Variants in YPEL2 observed in about 807,000 individuals in gnomAD.
YPEL2 encodes protein yippee-like 2.
Under a neutral mutation model 19.1 loss-of-function variants are expected in YPEL2, and 2 were observed. The ratio of observed to expected loss-of-function variants is 0.10; its 90% confidence interval spans 0.04 to 0.33. The LOEUF (loss-of-function observed/expected upper bound fraction) is 0.33. Ranked by LOEUF, YPEL2 falls within the 10% of genes least tolerant of loss-of-function variation. The probability of loss-of-function intolerance (pLI) is 1.00; values close to 1 mark genes in which losing one functional copy is unlikely to be tolerated. For missense variants in YPEL2, 66 were observed against 140.7 expected (o/e 0.47, Z 2.68); for synonymous variants, 52 against 50.0 (o/e 1.04, Z -0.17).
intron 1 of YPEL2, among the ~76,000 whole-genome samples, chr17:59,350,446 C>T (rs2047782229): frequency 6.6e-6 from 1 of 152,196 alleles, no homozygotes. Flanking sequence ...CAGAGTGACC[C>T]TGCCACAGCA....
At chr17:59,380,287 T>G (rs1261295596) in intron 2 of YPEL2, among the ~76,000 whole-genome samples, 1 of 148,100 alleles carries the variant, frequency 6.8e-6, no homozygotes, top group East Asian at 2.0e-4. Flanking sequence ...TTTTTTTTTT[T>G]TTTTTTTGAG....
At position 59,399,055 on chromosome 17, in the gene YPEL2, G is replaced by T. The variant is rs948934103; in HGVS notation, c.*1865G>T. Reference sequence around the variant, plus strand: ...ATCTTTCCAGTGCTTTCATAGCCCTGGGAGATCAAGTTGTTCTCCCCACTT... The same window carrying T: ...ATCTTTCCAGTGCTTTCATAGCCCTTGGAGATCAAGTTGTTCTCCCCACTT... On this transcript the variant is annotated 3_prime_UTR_variant, in exon 5 of 5. Coordinates refer to ENST00000312655, the MANE Select transcript of YPEL2 (RefSeq NM_001005404.4). The T allele has an allele frequency of 6.6e-6, 1 of 152,432 alleles. No homozygotes were observed. The highest frequency in any genetic ancestry group is 2.4e-5 in the African/African-American group (1 of 41,444). The allele number at this position is 152,432 out of a possible 1,614,324, so 9.4% of individuals were successfully genotyped here. A position where few individuals can be genotyped will look rare whatever the true frequency, so the allele number is the denominator to read the frequency against.
chr17:59,370,157 C>T (rs527464588), intron 2 of YPEL2, among the ~76,000 whole-genome samples: 3 of 152,240 alleles, frequency 2.0e-5, no homozygotes, highest in African/African-American at 4.8e-5. Context: ...CCTGGGTTCA[C>T]GCCATTCTCC....
At chr17:59,368,947 G>A (rs998605425) in intron 2 of YPEL2, among the ~76,000 whole-genome samples, 3 of 152,140 alleles carry the variant, frequency 2.0e-5, no homozygotes, top group Admixed American at 6.5e-5. Flanking sequence ...AAATAGTCAG[G>A]CTGGGTCCCT....
intron 2 of YPEL2, among the ~76,000 whole-genome samples, chr17:59,358,472 C>A (rs1272004225): frequency 6.6e-6 from 1 of 151,912 alleles, no homozygotes; most frequent in East Asian, 1.9e-4. Context: ...TAGTGTAGTA[C>A]CCCCATGCAG....
chr17:59,332,427 C>T (rs1215686227), intron 1 of YPEL2, among the ~76,000 whole-genome samples: 1 of 152,204 alleles, frequency 6.6e-6, no homozygotes, highest in Non-Finnish European at 1.5e-5. Context: ...CGGCGCCTCC[C>T]CGGTGTCCTT....
At chr17:59,344,187 C>G (rs1322119579) in intron 1 of YPEL2, among the ~76,000 whole-genome samples, 1 of 152,076 alleles carries the variant, frequency 6.6e-6, no homozygotes, top group Non-Finnish European at 1.5e-5. Flanking sequence ...AGCCACTGTG[C>G]CCAGCATGGA....
At chr17:59,388,243 A>T in intron 2 of YPEL2, 84 bp from the exon 3 acceptor site, 1 of 1,350,236 alleles carries the variant, frequency 7.4e-7, no homozygotes, top group Admixed American at 1.7e-5. Flanking sequence ...CTGGAAGGTC[A>T]TGCTTAACTG....
rs149647270 is a variant in YPEL2 at position 59,364,979 on chromosome 17, A to G, written c.117+11453A>G. ...ACTGGCAAATGGGAATAATAGTAAT[A>G]TTAGATACCTGATAGGATTTTTGTG... On this transcript the variant is annotated intron_variant, in intron 2 of 4. Coordinates refer to ENST00000312655, the MANE Select transcript of YPEL2 (RefSeq NM_001005404.4). 1.8e-4 allele frequency among the ~76,000 whole-genome samples: 27 copies of G among 152,316 alleles called. No individual in the cohort carries two copies. In the East Asian group the frequency reaches 5.0e-3, roughly 28 times the overall value.
intron 2 of YPEL2, among the ~76,000 whole-genome samples, chr17:59,387,726 G>T (rs953860250): frequency 6.6e-6 from 1 of 152,228 alleles, no homozygotes; most frequent in African/African-American, 2.4e-5. Context: ...CTGTGATGCA[G>T]AGATCAAGTT....
chr17:59,374,600 C>T (rs1372584374), intron 2 of YPEL2, among the ~76,000 whole-genome samples: 2 of 152,132 alleles, frequency 1.3e-5, no homozygotes, highest in Admixed American at 6.5e-5. Flanking sequence ...TTCAGTAAGG[C>T]CTGGTGCTTT....
intron 2 of YPEL2, among the ~76,000 whole-genome samples, chr17:59,367,341 G>A (rs1484464605): frequency 6.6e-6 from 1 of 152,184 alleles, no homozygotes; most frequent in African/African-American, 2.4e-5. Context: ...CAGTCCCTTG[G>A]TAGAAGGGAG....
chr17:59,368,855 C>T (rs2047883277), intron 2 of YPEL2, among the ~76,000 whole-genome samples: 1 of 152,122 alleles, frequency 6.6e-6, no homozygotes, highest in Non-Finnish European at 1.5e-5. Context: ...TTCTGTAAAC[C>T]ATGTATCCTT....
intron 2 of YPEL2, among the ~76,000 whole-genome samples, chr17:59,383,418 G>A (rs1339659171): frequency 1.3e-5 from 2 of 150,188 alleles, no homozygotes; most frequent in East Asian, 3.9e-4. Context: ...CTAACACGGT[G>A]AAACCCCGTG....
chr17:59,391,917 A>G (rs1728091085), intron 4 of YPEL2, among the ~76,000 whole-genome samples: 1 of 151,988 alleles, frequency 6.6e-6, no homozygotes, highest in South Asian at 2.1e-4. Flanking sequence ...AAGCAAAAAA[A>G]AAAAACCTAG....
At chr17:59,340,018 C>T (rs1311474910) in intron 1 of YPEL2, among the ~76,000 whole-genome samples, 2 of 151,944 alleles carry the variant, frequency 1.3e-5, no homozygotes. Context: ...GGCTGATTAA[C>T]CAGACATGGT....
chr17:59,394,081 T>C (rs997418967), intron 4 of YPEL2, among the ~76,000 whole-genome samples: 2 of 137,270 alleles, frequency 1.5e-5, no homozygotes, highest in South Asian at 2.4e-4. Flanking sequence ...CACTTCCCAG[T>C]AGGGGCGGCC....
intron 1 of YPEL2, among the ~76,000 whole-genome samples, chr17:59,350,028 C>T (rs543465312): frequency 1.3e-5 from 2 of 152,086 alleles, no homozygotes; most frequent in Non-Finnish European, 2.9e-5. Context: ...CTAGTTTGTC[C>T]TGTACCAGTT....
chr17:59,385,095 T>G (rs2047973393), intron 2 of YPEL2, among the ~76,000 whole-genome samples: 1 of 152,188 alleles, frequency 6.6e-6, no homozygotes. Flanking sequence ...TCAAATCTCT[T>G]ATTAAAACCA....
Sources: gnomAD v4.1 joint callset for allele counts (sites outside exome capture counted in the v4.1 genomes callset) on GRCh38, gnomAD v4.1.1 for gene constraint, MANE v1.5 for transcripts, NCBI Gene and HGNC (gene_info 2026-07-23, HGNC 2026-07-21) for gene names.